The following KY variants were observed in gnomAD, a reference collection of about 807,000 sequenced individuals.
The protein encoded by KY is kyphoscoliosis peptidase.
A neutral mutation model predicts 76.1 loss-of-function variants in KY; 43 were observed. The ratio of observed to expected loss-of-function variants is 0.57; its 90% CI spans 0.44 to 0.73. The LOEUF (loss-of-function observed/expected upper bound fraction) is 0.73, where lower values mean the gene tolerates loss of function less well. Among genes scored for constraint, KY ranks in the 30% least tolerant of loss-of-function variants. The pLI, the probability that KY is intolerant of heterozygous loss-of-function variation, is 0.00. For missense variants in KY, 722 were observed against 828.9 expected (o/e 0.87, Z 1.58); for synonymous variants, 277 against 326.2 (o/e 0.85, Z 1.63).
At position 134,603,861 on chromosome 3, in the gene KY, G is replaced by A. The variant is rs201797448; in HGVS notation, c.1704C>T (p.Phe568=). The change falls in exon 11 of 11, where the codon TTC becomes TTT. Residue 568 remains phenylalanine, a synonymous_variant. Transcript: ENST00000423778. ...GTCCCCAGTTGCCAAAGCTCTCAGG[G>A]AACATGGGCCAGTTCACCTTGGTGT... The part of the protein sequence containing the change: ...CANTKVNWPM[F]PESFGNWGQD... 160 of 1,614,040 alleles carry A rather than the reference G, an allele frequency of 9.9e-5. No individual in the cohort carries two copies. The African/African-American group carries it at 1.9e-3, about 20-fold the overall frequency.
chr3:134,639,034 G>T (rs1965356719), intron 3 of KY, among the ~76,000 whole-genome samples: 1 of 142,510 alleles, frequency 7.0e-6, no homozygotes, highest in Non-Finnish European at 1.5e-5. Context: ...TAACAGGTTG[G>T]CACATTTACA....
intron 3 of KY, among the ~76,000 whole-genome samples, chr3:134,634,339 T>C (rs1459849749): frequency 6.6e-6 from 1 of 152,150 alleles, no homozygotes. Flanking sequence ...CACTCTTTGA[T>C]TTTAAGATGC....
rs146586641 is a variant in KY, at chr3:134,629,780, A to ACAATTAGT, written c.263-93_263-86dup. The ACAATTAGT allele has an allele frequency of 3.2e-3, 2,685 of 828,376 alleles. 46 individuals are homozygous for ACAATTAGT. In the African/African-American group the frequency reaches 0.039, roughly 12 times the overall value. The allele number at this position is 828,376 out of a possible 1,614,324, so 51.3% of individuals were successfully genotyped here. A position where few individuals can be genotyped will look rare whatever the true frequency, so the allele number is the denominator to read the frequency against. ...TCATGACTGATGATTGAATAAAAAA[A>ACAATTAGT]CAATTAGTTTTAGAACTTTCTTTTG... On this transcript the variant is annotated intron_variant, in intron 3 of 10. Coordinates refer to ENST00000423778, the MANE Select transcript of KY (RefSeq NM_178554.6).
rs191710790 is a variant in KY, at chr3:134,648,146, G to A, written c.137-649C>T. ...CAGCATGGGGATACGTTCTGGCAGC[G>A]GGAGCTGCTGCAATAAAATTGAGAT... On this transcript the variant is annotated intron_variant, in intron 1 of 10. Coordinates refer to ENST00000423778, the MANE Select transcript of KY (RefSeq NM_178554.6). 2.6e-5 allele frequency among the ~76,000 whole-genome samples: 4 copies of A among 152,208 alleles called. No individual in the cohort carries two copies. The South Asian group carries it at 6.2e-4, about 24-fold the overall frequency.
Position 134,604,468 on chromosome 3 carries a change from C to T in KY, c.1097G>A (p.Gly366Glu). ...PETSMIRTVNGKATVTIESCA... is the reference protein window; with the variant it reads ...PETSMIRTVNEKATVTIESCA... ...GCTCTCAATGGTGACCGTGGCCTTC[C>T]CATTCACTGAGGAGAGAAAGTCAGG... Residue 366 changes from glycine (G) to glutamate (E), a missense_variant, in exon 11 of 11, where the codon GGG (glycine) becomes GAG (glutamate). Transcript: ENST00000423778. 3 of 1,602,810 alleles carry T rather than the reference C, an allele frequency of 1.9e-6. No homozygotes were observed. Among genetic ancestry groups the T allele is most frequent in the Non-Finnish European group, 2.6e-6 (3 of 1,172,832 alleles).
chr3:134,609,837 TGTG>T (rs946669651), intron 9 of KY, among the ~76,000 whole-genome samples: 5 of 152,288 alleles, frequency 3.3e-5, no homozygotes, highest in Non-Finnish European at 5.9e-5. Flanking sequence ...TGCCTGGTAA[TGTG>T]GTCAATGGCC....
Position 134,650,992 on chromosome 3 carries a change from G to A in KY, c.-32C>T, listed in dbSNP as rs780767219. 1 of 1,612,354 alleles carries A rather than the reference G, an allele frequency of 6.2e-7. No individual in the cohort carries two copies. The highest frequency in any genetic ancestry group is 2.2e-5 in the East Asian group (1 of 44,814). The stretch of plus-strand genomic sequence containing the variant: ...GCCTCCTTTCCGACCTGGGCGCCGC[G>A]GCCGCACGCTAGGCTGCTTGCGCTG... On this transcript the variant is annotated 5_prime_UTR_variant, in exon 1 of 11. Transcript: ENST00000423778.
intron 3 of KY, among the ~76,000 whole-genome samples, chr3:134,635,551 A>T (rs535243694): frequency 6.6e-6 from 1 of 150,550 alleles, no homozygotes; most frequent in East Asian, 2.0e-4. Flanking sequence ...CTTAAGAGTG[A>T]TGGGAGGATT....
intron 3 of KY, among the ~76,000 whole-genome samples, chr3:134,638,861 T>G (rs1965328358): frequency 6.6e-6 from 1 of 152,210 alleles, no homozygotes; most frequent in Admixed American, 6.5e-5. Flanking sequence ...TAACTCTGAC[T>G]GATTGGAAGT....
intron 10 of KY, 65 bp from the exon 11 acceptor site, chr3:134,604,539 T>G: frequency 1.4e-6 from 2 of 1,382,320 alleles, no homozygotes. Context: ...TGGTAAATGT[T>G]TAACAACTGT....
chr3:134,611,374 TG>T (rs1960422642), intron 8 of KY, among the ~76,000 whole-genome samples: 1 of 152,186 alleles, frequency 6.6e-6, no homozygotes, highest in Non-Finnish European at 1.5e-5. Context: ...GCAAGACCCC[TG>T]GGTGTCCTTT....
intron 8 of KY, among the ~76,000 whole-genome samples, chr3:134,615,982 G>A (rs1961490861): frequency 6.6e-6 from 1 of 152,172 alleles, no homozygotes; most frequent in Admixed American, 6.5e-5. Context: ...TAAGTGCCTG[G>A]CTTTATCCAA....
rs1958958692 is a variant in KY at position 134,601,431 on chromosome 3, G to A, written c.*2148C>T. 6.6e-6 allele frequency among the ~76,000 whole-genome samples: 1 copy of A among 152,228 alleles called. No homozygotes were observed. Among genetic ancestry groups the A allele is most frequent in the Admixed American group, 6.5e-5 (1 of 15,288 alleles). On this transcript the variant is annotated 3_prime_UTR_variant, in exon 11 of 11. Coordinates refer to ENST00000423778, the MANE Select transcript of KY (RefSeq NM_178554.6). Reference sequence around the variant, plus strand: ...GGGGTCTCCAGCAGGACTAAGCGAGGCAGCCAGCGCGGGGTCCAGTGAGTG... The same window carrying A: ...GGGGTCTCCAGCAGGACTAAGCGAGACAGCCAGCGCGGGGTCCAGTGAGTG...
chr3:134,619,301 G>A (rs974934520), intron 7 of KY, 36 bp from the exon 8 acceptor site: 3 of 1,530,248 alleles, frequency 2.0e-6, no homozygotes, highest in Non-Finnish European at 2.7e-6. Context: ...AAGAGCTTGA[G>A]CCTGGGAGGC....
chr3:134,632,347 T>C (rs2107924614), intron 3 of KY, among the ~76,000 whole-genome samples: 1 of 152,132 alleles, frequency 6.6e-6, no homozygotes, highest in South Asian at 2.1e-4. Context: ...ATCACCAAGA[T>C]GGACTATATC....
chr3:134,605,128 C>A (rs988071884), intron 10 of KY, among the ~76,000 whole-genome samples: 35 of 152,102 alleles, frequency 2.3e-4, no homozygotes, highest in African/African-American at 8.2e-4. Context: ...TGCCACCCCC[C>A]ATCTCTCCCC....
chr3:134,629,080 C>T (rs1228565125), intron 4 of KY, among the ~76,000 whole-genome samples: 3 of 152,182 alleles, frequency 2.0e-5, no homozygotes, highest in East Asian at 1.9e-4. Flanking sequence ...GAGACATCAT[C>T]GTCCTGGGCC....
intron 2 of KY, among the ~76,000 whole-genome samples, chr3:134,644,640 G>A (rs1374747449): frequency 1.3e-5 from 2 of 152,224 alleles, no homozygotes; most frequent in Non-Finnish European, 1.5e-5. Flanking sequence ...CTGGAAACAA[G>A]TATGCCTCTG....
intron 6 of KY, 56 bp from the exon 7 acceptor site, chr3:134,620,913 C>A: frequency 9.3e-7 from 1 of 1,072,664 alleles, no homozygotes; most frequent in South Asian, 1.3e-5. Flanking sequence ...CTGTTGGGGG[C>A]CCAGCATCTT....
Sources: allele counts gnomAD v4.1 joint callset (sites outside exome capture counted in the v4.1 genomes callset), GRCh38; gene constraint gnomAD v4.1.1; transcripts MANE v1.5; gene names NCBI Gene and HGNC (gene_info 2026-07-23, HGNC 2026-07-21).